The following CHCHD2 variants were observed in gnomAD, a reference collection of about 807,000 sequenced individuals.
The protein encoded by CHCHD2 is coiled-coil-helix-coiled-coil-helix domain-containing protein 2.
A neutral mutation model predicts 17.5 loss-of-function variants in CHCHD2; 17 were observed. That is an observed-to-expected ratio of 0.97 (90% CI 0.67 to 1.46). The LOEUF (loss-of-function observed/expected upper bound fraction) is 1.46. CHCHD2 is among the 40% of genes most tolerant of loss of function. CHCHD2 has a pLI of 0.00. For synonymous variants in CHCHD2, 63 were observed against 74.3 expected, an observed-to-expected ratio of 0.85 and a Z score of 0.78; for missense variants, 175 against 199.9, an observed-to-expected ratio of 0.88 and a Z score of 0.75.
chr7:56,105,451 C>A (rs951034213), intron 1 of CHCHD2, among the ~76,000 whole-genome samples: 1 of 152,178 alleles, frequency 6.6e-6, no homozygotes, highest in African/African-American at 2.4e-5. Flanking sequence ...TCTCTGCATT[C>A]ATGGAGTTTA....
intron 3 of CHCHD2, 118 bp downstream of exon 3, chr7:56,102,749 T>G: frequency 1.8e-6 from 2 of 1,085,898 alleles, no homozygotes; most frequent in Non-Finnish European, 2.7e-6. Context: ...AGGAGTTAAT[T>G]CTAGAGAAAT....
intron 1 of CHCHD2, among the ~76,000 whole-genome samples, chr7:56,105,431 G>A (rs995272523): frequency 2.2e-4 from 34 of 152,184 alleles, no homozygotes; most frequent in African/African-American, 8.2e-4. Flanking sequence ...CTGTGAACAA[G>A]AGACAAAAAT....
intron 2 of CHCHD2, among the ~76,000 whole-genome samples, chr7:56,103,583 C>T (rs939837214): frequency 6.6e-6 from 1 of 152,178 alleles, no homozygotes; most frequent in African/African-American, 2.4e-5. Context: ...CATGAGCCTC[C>T]GTTCCCAGCC....
At chr7:56,106,153 G>T (rs752614106) in intron 1 of CHCHD2, among the ~76,000 whole-genome samples, 1 of 152,068 alleles carries the variant, frequency 6.6e-6, no homozygotes, top group Non-Finnish European at 1.5e-5. Flanking sequence ...TGCCTTTCCC[G>T]TTGTTTGGAT....
chr7:56,104,733 G>C (rs1023422849), intron 1 of CHCHD2, among the ~76,000 whole-genome samples: 4 of 151,358 alleles, frequency 2.6e-5, no homozygotes, highest in African/African-American at 9.7e-5. Flanking sequence ...TCAGCCTTCC[G>C]AGTAGCTGGG....
intron 3 of CHCHD2, among the ~76,000 whole-genome samples, chr7:56,102,460 G>A (rs1425459667): frequency 9.2e-5 from 14 of 151,662 alleles, no homozygotes; most frequent in South Asian, 2.1e-4. Flanking sequence ...TCCGCCTCCC[G>A]GGTTCAAGCA....
chr7:56,103,192 AT>A, intron 2 of CHCHD2, among the ~76,000 whole-genome samples, 181 bp from the exon 3 acceptor site: 1 of 152,328 alleles, frequency 6.6e-6, no homozygotes, highest in Non-Finnish European at 1.5e-5. Flanking sequence ...CTTAAAAAAT[AT>A]TTTAGGCCAA....
Position 56,106,451 on chromosome 7 carries a change from A to T in CHCHD2, c.-38T>A. On this transcript the variant is annotated 5_prime_UTR_variant, in exon 1 of 4. Coordinates refer to ENST00000395422, the MANE Select transcript of CHCHD2 (RefSeq NM_016139.4). ...ACGGCTAGGCCTCCGGACGTGGGAC[A>T]ACCACCGAAGAGCTAAGCGACTTCT... 6.2e-7 allele frequency: 1 copy of T among 1,607,298 alleles called. No individual in the cohort carries two copies. The highest frequency in any genetic ancestry group is 2.2e-5 in the East Asian group (1 of 44,756).
At position 56,106,366 on chromosome 7, in the gene CHCHD2, G is replaced by A. The variant is rs771253445; in HGVS notation, c.48C>T (p.Ala16=). 2.8e-5 allele frequency: 45 copies of A among 1,613,284 alleles called. No individual in the cohort carries two copies. Among genetic ancestry groups the A allele is most frequent in the Non-Finnish European group, 3.7e-5 (44 of 1,179,586 alleles). The change falls in exon 1 of 4, where the codon GCC becomes GCT. Residue 16 remains alanine (A), a splice_region_variant and synonymous_variant. Coordinates refer to ENST00000395422, the MANE Select transcript of CHCHD2 (RefSeq NM_016139.4). ...RSRTSRMAPP[A]SRAPQMRAAP... ...CTCAAACCCTGCGATGGTCTCACCTGGCCGGAGGGGCCATGCGGGAGGTGC... is the reference window on the plus strand; with the variant it reads ...CTCAAACCCTGCGATGGTCTCACCTAGCCGGAGGGGCCATGCGGGAGGTGC...
chr7:56,104,478 G>A lies in CHCHD2; in HGVS notation c.51-3C>T, dbSNP rs201791644. On this transcript the variant is annotated splice_region_variant and splice_polypyrimidine_tract_variant and intron_variant, in intron 1 of 3. Coordinates refer to ENST00000395422, the MANE Select transcript of CHCHD2 (RefSeq NM_016139.4). ...CAGCTCTCATCTGAGGGGCCCGGCT[G>A]TGAAAGAAAAGAAAAAAACATCAAG... The A allele has an allele frequency of 4.2e-5, 65 of 1,546,462 alleles. No homozygotes were observed. The East Asian group carries it at 9.9e-4, about 24-fold the overall frequency.
intron 2 of CHCHD2, among the ~76,000 whole-genome samples, chr7:56,103,688 G>T (rs1785326964): frequency 6.6e-6 from 1 of 152,150 alleles, no homozygotes; most frequent in Admixed American, 6.5e-5. Flanking sequence ...AAATAAAGTG[G>T]AATTATTATC....
intron 1 of CHCHD2, among the ~76,000 whole-genome samples, chr7:56,105,231 T>C (rs1411893089): frequency 6.6e-6 from 1 of 152,180 alleles, no homozygotes; most frequent in Non-Finnish European, 1.5e-5. Flanking sequence ...TTTCTTATAA[T>C]AGTAATAGCC....
intron 2 of CHCHD2, among the ~76,000 whole-genome samples, chr7:56,103,872 G>A (rs1013165920): frequency 1.3e-5 from 2 of 152,186 alleles, no homozygotes; most frequent in Non-Finnish European, 2.9e-5. Flanking sequence ...CAAACATCAC[G>A]TAAAAGAACA....
intron 3 of CHCHD2, 131 bp from the exon 4 acceptor site, chr7:56,101,992 T>C: frequency 2.3e-6 from 2 of 872,136 alleles, no homozygotes; most frequent in Non-Finnish European, 3.6e-6. Context: ...TTTTTTTTGA[T>C]AAAAAATAGA....
intron 1 of CHCHD2, among the ~76,000 whole-genome samples, chr7:56,105,500 G>A (rs1475861862): frequency 6.6e-6 from 1 of 152,232 alleles, no homozygotes; most frequent in African/African-American, 2.4e-5. Flanking sequence ...ATAGGCTGCG[G>A]AGTGGTGGCT....
chr7:56,105,429 A>G (rs1785365078), intron 1 of CHCHD2, among the ~76,000 whole-genome samples: 2 of 152,348 alleles, frequency 1.3e-5, no homozygotes, highest in South Asian at 4.1e-4. Context: ...AACTGTGAAC[A>G]AGAGACAAAA....
intron 1 of CHCHD2, 133 bp downstream of exon 1, chr7:56,106,231 C>T: frequency 1.4e-6 from 1 of 735,604 alleles, no homozygotes; most frequent in Non-Finnish European, 2.2e-6. Flanking sequence ...GTTCAATCTA[C>T]CCCCGCCTGG....
intron 1 of CHCHD2, among the ~76,000 whole-genome samples, chr7:56,105,236 A>G (rs947688867): frequency 1.3e-5 from 2 of 152,212 alleles, no homozygotes; most frequent in Admixed American, 1.3e-4. Flanking sequence ...TATAATAGTA[A>G]TAGCCTAGGA....
At position 56,101,813 on chromosome 7, in the gene CHCHD2, A is replaced by C. The variant is rs1440271569; in HGVS notation, c.*38T>G. On this transcript the variant is annotated 3_prime_UTR_variant, in exon 4 of 4. Transcript: ENST00000395422. ...TTTATACTAAATTAACTTAGTTATG[A>C]GAGCTGATTTTCCATCTCTCCAGGT... The C allele has an allele frequency of 6.3e-7, 1 of 1,588,090 alleles. No individual in the cohort carries two copies. The highest frequency in any genetic ancestry group is 1.3e-5 in the African/African-American group (1 of 74,132).
Sources: gnomAD v4.1 joint callset for allele counts (sites outside exome capture counted in the v4.1 genomes callset) on GRCh38, gnomAD v4.1.1 for gene constraint, MANE v1.5 for transcripts, NCBI Gene and HGNC (gene_info 2026-07-23, HGNC 2026-07-21) for gene names.